Variants in RNF111 observed in about 807,000 individuals in gnomAD.
RNF111 encodes the protein E3 ubiquitin-protein ligase Arkadia.
RNF111 carries 17 observed loss-of-function variants against 95.1 expected under a neutral mutation model. The observed-to-expected ratio is 0.18, with a 90% CI of 0.12 to 0.27. RNF111 has a LOEUF of 0.27. Ranked by LOEUF, RNF111 falls within the 10% of genes least tolerant of loss-of-function variation. The probability of loss-of-function intolerance (pLI) is 1.00; values close to 1 mark genes in which losing one functional copy is unlikely to be tolerated. For synonymous variants in RNF111, 440 were observed against 414.8 expected (o/e 1.06, Z -0.74); for missense variants, 1,189 against 1,210.4 (o/e 0.98, Z 0.26).
In RNF111 at chr15:59,052,426, C is replaced by G. The variant is rs376450850; in HGVS notation, c.1002C>G (p.Ser334Arg). 4.5e-6 allele frequency: 7 copies of G among 1,564,574 alleles called. No individual in the cohort carries two copies. In the African/African-American group the frequency reaches 6.9e-5, roughly 15 times the overall value. The change falls in exon 3 of 14, where the codon AGC becomes AGG. Residue 334 changes from serine to arginine, a missense_variant. Ser to Arg is a moderately radical substitution (Grantham distance 110, BLOSUM62 -1). Around this residue, in one of 2 missense-constraint regions of RNF111, gnomAD observed 1,024 missense variants for 925.9 expected, o/e 1.11. Transcript: ENST00000348370. ...TGGAGATTGTAACAGTTGGAGAAAG[C>G]TATCGGTGAGATTTTAATTCTTAGT... ...SEVEIVTVGE[S>R]YRSRSTLGHS...
At chr15:59,086,301 A>T in intron 10 of RNF111, among the ~76,000 whole-genome samples, 1 of 151,712 alleles carries the variant, frequency 6.6e-6, no homozygotes, top group East Asian at 1.9e-4. Context: ...TGTATTTTTA[A>T]TAGAGATGGG....
chr15:59,034,178 T>C (rs374364576), intron 2 of RNF111, among the ~76,000 whole-genome samples: 2 of 152,334 alleles, frequency 1.3e-5, no homozygotes, highest in East Asian at 1.9e-4. Flanking sequence ...TTCTTGACAT[T>C]TGCATAGTAT....
intron 1 of RNF111, among the ~76,000 whole-genome samples, chr15:59,007,244 C>T (rs770042079): frequency 1.3e-5 from 2 of 152,032 alleles, no homozygotes; most frequent in South Asian, 2.1e-4. Flanking sequence ...TTCCCCATCC[C>T]TTGAAGACAC....
At chr15:59,091,767 TC>T (rs2140247694) in intron 12 of RNF111, among the ~76,000 whole-genome samples, 1 of 152,332 alleles carries the variant, frequency 6.6e-6, no homozygotes, top group East Asian at 1.9e-4. Flanking sequence ...AGACAATTTT[TC>T]ATGGATAGGT....
Position 59,087,715 on chromosome 15 carries a change from G to A in RNF111, c.2550+1930G>A, listed in dbSNP as rs561251742. Reference sequence around the variant, plus strand: ...TAAGCTGAAGAGTAGGAAAAGGAGGGATTCATCTTGCTGTCTCTGGGGTGG... The same window carrying A: ...TAAGCTGAAGAGTAGGAAAAGGAGGAATTCATCTTGCTGTCTCTGGGGTGG... On this transcript the variant is annotated intron_variant, in intron 10 of 13. Transcript: ENST00000348370. 2.0e-5 allele frequency among the ~76,000 whole-genome samples: 3 copies of A among 152,236 alleles called. No individual in the cohort carries two copies. The East Asian group carries it at 5.8e-4, about 29-fold the overall frequency.
At chr15:59,063,066 A>T (rs1193113844) in intron 5 of RNF111, among the ~76,000 whole-genome samples, 1 of 152,174 alleles carries the variant, frequency 6.6e-6, no homozygotes, top group Non-Finnish European at 1.5e-5. Context: ...TTTGTATCCT[A>T]AATTGTCTCC....
intron 2 of RNF111, chr15:59,049,540 A>G (rs866972358): frequency 1.0e-4 from 18 of 173,470 alleles, no homozygotes; most frequent in Admixed American, 6.9e-4. Context: ...TCTTTTTCTG[A>G]TCTTTTTCCT....
At position 59,089,587 on chromosome 15, in the gene RNF111, G is replaced by T. The variant is rs1392184348; in HGVS notation, c.2551-80G>T. The T allele has an allele frequency of 4.7e-6, 5 of 1,068,718 alleles. No homozygotes were observed. The South Asian group carries it at 5.1e-5, about 11-fold the overall frequency. 66.2% of individuals were successfully genotyped at this position (1,068,718 alleles called of 1,614,324 possible). A position where few individuals can be genotyped will look rare whatever the true frequency, so the allele number is the denominator to read the frequency against. ...AGCAGTTGAATTGAAAACATTGAGG[G>T]TCTTGAATTATTCAATGTTAACAGT... is the stretch of plus-strand genomic sequence containing the variant. On this transcript the variant is annotated intron_variant, in intron 10 of 13. Coordinates refer to ENST00000348370, the MANE Select transcript of RNF111 (RefSeq NM_017610.8).
At chr15:59,082,099 A>C (rs1472574525) in intron 8 of RNF111, among the ~76,000 whole-genome samples, 1 of 152,220 alleles carries the variant, frequency 6.6e-6, no homozygotes, top group Non-Finnish European at 1.5e-5. Context: ...CCAAAAAAGT[A>C]ACTATACTAA....
At chr15:59,028,015 T>G (rs2040710087) in intron 1 of RNF111, among the ~76,000 whole-genome samples, 1 of 151,940 alleles carries the variant, frequency 6.6e-6, no homozygotes, top group Non-Finnish European at 1.5e-5. Context: ...TTAGTAGAGA[T>G]GGGGTTTCAC....
rs372851882 is a variant in RNF111 at position 59,030,960 on chromosome 15, C to G, written c.138C>G (p.Ala46=). The G allele has an allele frequency of 6.1e-5, 99 of 1,614,122 alleles. No homozygotes were observed. The highest frequency in any genetic ancestry group is 2.7e-4 in the Admixed American group (16 of 60,014). Residue 46 remains alanine, a synonymous_variant, in exon 2 of 14, where the codon GCC becomes GCG. Transcript: ENST00000348370. ...ILLHPEPIGA[A]KSFPAGVEMI... ...TGCATCCAGAGCCCATTGGGGCAGC[C>G]AAAAGTTTTCCTGCAGGAGTTGAGA...
chr15:59,081,560 ATGTAACT>A (rs1343789767), intron 8 of RNF111, among the ~76,000 whole-genome samples: 14 of 152,136 alleles, frequency 9.2e-5, no homozygotes, highest in African/African-American at 3.4e-4. Flanking sequence ...TTTAGAAATA[ATGTAACT>A]TGTAACTATA....
At chr15:59,085,444 TG>T (rs796888402) in intron 9 of RNF111, 39 of 292,696 alleles carry the variant, frequency 1.3e-4, no homozygotes, top group African/African-American at 6.8e-4. Flanking sequence ...AGAAATGCTT[TG>T]CTCCTCATTG....
intron 1 of RNF111, among the ~76,000 whole-genome samples, chr15:58,990,415 T>A (rs1041755137): frequency 1.3e-5 from 2 of 152,182 alleles, no homozygotes; most frequent in African/African-American, 4.8e-5. Context: ...ATCCCAGCAC[T>A]TTGGGAGGCC....
intron 10 of RNF111, among the ~76,000 whole-genome samples, chr15:59,086,048 A>G (rs2078890250): frequency 6.6e-6 from 1 of 151,326 alleles, no homozygotes; most frequent in African/African-American, 2.5e-5. Context: ...ATCCACTGTC[A>G]GGAGTATACT....
chr15:59,064,313 A>T (rs546362864), intron 5 of RNF111, among the ~76,000 whole-genome samples: 1 of 152,110 alleles, frequency 6.6e-6, no homozygotes, highest in African/African-American at 2.4e-5. Flanking sequence ...AGGTGGGTGG[A>T]TCACGAGGTC....
At chr15:58,993,690 A>G (rs1457120065) in intron 1 of RNF111, among the ~76,000 whole-genome samples, 2 of 152,210 alleles carry the variant, frequency 1.3e-5, no homozygotes, top group African/African-American at 4.8e-5. Context: ...CCAGTGCTTG[A>G]GTTAAAACAA....
chr15:59,042,876 T>A (rs1596177978), intron 2 of RNF111, among the ~76,000 whole-genome samples: 1 of 152,212 alleles, frequency 6.6e-6, no homozygotes, highest in Admixed American at 6.5e-5. Flanking sequence ...AAGTGAACTT[T>A]ATAATCAGTT....
chr15:59,092,494 T>G (rs1185666360), intron 12 of RNF111, 43 bp from the exon 13 acceptor site: 1 of 1,576,090 alleles, frequency 6.3e-7, no homozygotes, highest in Non-Finnish European at 8.6e-7. Context: ...TGTTCAATAA[T>G]GTCATCTCTA....
Sources: allele counts gnomAD v4.1 joint callset (sites outside exome capture counted in the v4.1 genomes callset), GRCh38; gene constraint gnomAD v4.1.1; regional missense constraint gnomAD v4.1.1; transcripts MANE v1.5; gene names NCBI Gene and HGNC (gene_info 2026-07-23, HGNC 2026-07-21).